Variants in DCAF1 observed in about 807,000 individuals in gnomAD.
DCAF1 encodes DDB1- and CUL4-associated factor 1.
Under a neutral mutation model 128.0 loss-of-function variants are expected in DCAF1, and 15 were observed. The observed-to-expected ratio is 0.12, with a 90% CI of 0.08 to 0.18. The LOEUF is 0.18. DCAF1 is among the 10% of genes least tolerant of loss of function. The pLI, the probability that DCAF1 is intolerant of heterozygous loss-of-function variation, is 1.00. For synonymous variants in DCAF1, 610 were observed against 603.0 expected (o/e 1.01, Z -0.17); for missense variants, 988 against 1,649.5 (o/e 0.60, Z 6.95).
At chr3:51,417,010 C>T in intron 17 of DCAF1, 139 bp from the exon 18 acceptor site, 1 of 1,343,860 alleles carries the variant, frequency 7.4e-7, no homozygotes. Context: ...AGGAAACAAT[C>T]ATACACTTAG....
chr3:51,396,006 CAGGAGTG>C, downstream of DCAF1: 2 of 413,054 alleles, frequency 4.8e-6, no homozygotes, highest in Non-Finnish European at 8.8e-6. Context: ...CCGCCAGAAA[CAGGAGTG>C]GGTCTTGTCC....
At position 51,466,862 on chromosome 3, in the gene DCAF1, C is replaced by G; in HGVS notation, c.202G>C (p.Glu68Gln). Residue 68 changes from glutamate (E) to glutamine (Q), a missense_variant, in exon 5 of 25, where the codon GAG becomes CAG. Glu to Gln is a conservative substitution (Grantham distance 29, BLOSUM62 2). This residue lies in a region of DCAF1 where 14 missense variants were observed against 48.6 expected (regional missense o/e 0.29). Coordinates refer to ENST00000684031, the MANE Select transcript of DCAF1 (RefSeq NM_001387579.1). The stretch of plus-strand genomic sequence containing the variant: ...CTCAGCAAGTGGCCCAGCATACACT[C>G]TGGATCAGCTCGACCTACCAAGAGA... ...DDRHPGRADPECMLGHLLRIL... is the reference protein window; with the variant it reads ...DDRHPGRADPQCMLGHLLRIL... 1 of 1,613,764 alleles carries G rather than the reference C, an allele frequency of 6.2e-7. No individual in the cohort carries two copies. Among genetic ancestry groups the G allele is most frequent in the Non-Finnish European group, 8.5e-7 (1 of 1,179,770 alleles).
rs782411502 is a variant in DCAF1 at position 51,466,327 on chromosome 3, T to C, written c.261+476A>G. Reference sequence around the variant, plus strand: ...CCCCCAAAGCCCACGTTCTCAAGCATCATGCCATCCCACCTCCAAAAACAA... The same window carrying C: ...CCCCCAAAGCCCACGTTCTCAAGCACCATGCCATCCCACCTCCAAAAACAA... On this transcript the variant is annotated intron_variant, in intron 5 of 24. Transcript: ENST00000684031. 2.0e-5 allele frequency among the ~76,000 whole-genome samples: 3 copies of C among 152,166 alleles called. No individual in the cohort carries two copies. The South Asian group carries it at 6.2e-4, about 32-fold the overall frequency.
upstream of DCAF1, chr3:51,500,039 C>CCGCGCG (rs1344098421): frequency 6.8e-6 from 1 of 147,064 alleles, no homozygotes; most frequent in Non-Finnish European, 1.5e-5. Flanking sequence ...GCTACGTGCA[C>CCGCGCG]CGCGCGCGCG....
At chr3:51,410,346 G>C (rs1006461106) in intron 23 of DCAF1, among the ~76,000 whole-genome samples, 1 of 152,200 alleles carries the variant, frequency 6.6e-6, no homozygotes, top group Non-Finnish European at 1.5e-5. Context: ...AGCACACACA[G>C]GGGATTTTAG....
chr3:51,497,908 G>A (rs1553662026), intron 1 of DCAF1, among the ~76,000 whole-genome samples: 1 of 151,684 alleles, frequency 6.6e-6, no homozygotes, highest in African/African-American at 2.4e-5. Flanking sequence ...AAATTAGCCG[G>A]GCGTGGTGGC....
At chr3:51,495,908 T>C (rs1415345846) in intron 2 of DCAF1, among the ~76,000 whole-genome samples, 1 of 151,828 alleles carries the variant, frequency 6.6e-6, no homozygotes, top group East Asian at 1.9e-4. Context: ...GCAAGAGAAC[T>C]GCTTGAGCCT....
chr3:51,461,036 G>A (rs1703497107), intron 6 of DCAF1, among the ~76,000 whole-genome samples: 1 of 152,076 alleles, frequency 6.6e-6, no homozygotes, highest in Non-Finnish European at 1.5e-5. Flanking sequence ...AAAAGCAATA[G>A]CAACAAAAGC....
chr3:51,497,948 G>A (rs1481642007), intron 1 of DCAF1, among the ~76,000 whole-genome samples: 1 of 150,074 alleles, frequency 6.7e-6, no homozygotes, highest in Admixed American at 6.7e-5. Flanking sequence ...TACTTGGGAG[G>A]CTGAGGCACG....
At chr3:51,396,095 T>G (rs2089183273), downstream of DCAF1, 1 of 410,576 alleles carries the variant, frequency 2.4e-6, no homozygotes, top group Admixed American at 4.4e-5. Flanking sequence ...CAGAGCTGCC[T>G]TGGTATGTTG....
At chr3:51,474,156 T>C (rs1410721513) in intron 3 of DCAF1, among the ~76,000 whole-genome samples, 1 of 151,810 alleles carries the variant, frequency 6.6e-6, no homozygotes, top group African/African-American at 2.4e-5. Flanking sequence ...CCGTGGCTCA[T>C]GCCTGTAATC....
At chr3:51,494,262 C>T (rs1707995699) in intron 2 of DCAF1, among the ~76,000 whole-genome samples, 2 of 151,494 alleles carry the variant, frequency 1.3e-5, no homozygotes. Flanking sequence ...CTACAGGCAC[C>T]GGCCACCACA....
chr3:51,480,180 G>C (rs946512883), intron 3 of DCAF1, among the ~76,000 whole-genome samples: 1 of 151,738 alleles, frequency 6.6e-6, no homozygotes, highest in East Asian at 1.9e-4. Flanking sequence ...AGTCAGTGAA[G>C]GTTTTACAGA....
At chr3:51,502,004 C>T (rs140036702), upstream of DCAF1, among the ~76,000 whole-genome samples, 196 of 152,268 alleles carry the variant, frequency 1.3e-3, 1 homozygote, top group Admixed American at 5.1e-3. Flanking sequence ...CATGCCATTC[C>T]TCCAGCACTC....
At chr3:51,503,291 A>G (rs1447012352), upstream of DCAF1, among the ~76,000 whole-genome samples, 6 of 152,262 alleles carry the variant, frequency 3.9e-5, no homozygotes, top group South Asian at 1.2e-3. Context: ...AGCATGCTCT[A>G]CCTACTCCCA....
intron 13 of DCAF1, among the ~76,000 whole-genome samples, chr3:51,423,309 T>C (rs1231722492): frequency 6.6e-6 from 1 of 151,644 alleles, no homozygotes; most frequent in East Asian, 1.9e-4. Context: ...CTGGGCAACA[T>C]GGCCAAACCC....
intron 2 of DCAF1, among the ~76,000 whole-genome samples, chr3:51,488,944 G>A (rs1424554646): frequency 2.0e-5 from 3 of 152,190 alleles, no homozygotes; most frequent in Non-Finnish European, 2.9e-5. Context: ...CAGTCTGCGC[G>A]ACAGGGCGAG....
At chr3:51,433,813 G>A (rs1700586617) in intron 9 of DCAF1, among the ~76,000 whole-genome samples, 1 of 149,084 alleles carries the variant, frequency 6.7e-6, no homozygotes, top group African/African-American at 2.5e-5. Context: ...GGGTGCAGTG[G>A]CTCACGCCTG....
chr3:51,462,774 A>C, intron 6 of DCAF1, among the ~76,000 whole-genome samples: 1 of 149,902 alleles, frequency 6.7e-6, no homozygotes, highest in East Asian at 2.0e-4. Context: ...AAACTATAGC[A>C]CCCAAACAAC....
Sources: allele counts gnomAD v4.1 joint callset (sites outside exome capture counted in the v4.1 genomes callset), GRCh38; gene constraint gnomAD v4.1.1; regional missense constraint gnomAD v4.1.1; transcripts MANE v1.5; gene names NCBI Gene and HGNC (gene_info 2026-07-23, HGNC 2026-07-21).